CSMD1: variants seen among roughly 807,000 people sequenced by gnomAD.
CSMD1 encodes the protein CUB and Sushi multiple domains 1, also known as CUB and sushi domain-containing protein 1.
A neutral mutation model predicts 417.5 loss-of-function variants in CSMD1; 213 were observed. The observed-to-expected ratio is 0.51, with a 90% CI of 0.46 to 0.57. The LOEUF (loss-of-function observed/expected upper bound fraction) is 0.57, where lower values mean the gene tolerates loss of function less well. CSMD1 is among the 20% of genes least tolerant of loss of function. CSMD1 has a pLI of 0.00. For missense variants in CSMD1, 6,923 were observed against 4,529.7 expected, an observed-to-expected ratio of 1.53 and a Z score of -15.17; for synonymous variants, 2,862 against 1,736.8, an observed-to-expected ratio of 1.65 and a Z score of -16.11.
At chr8:4,159,330 G>A (rs551472547) in intron 3 of CSMD1, among the ~76,000 whole-genome samples, 1 of 152,102 alleles carries the variant, frequency 6.6e-6, no homozygotes, top group Non-Finnish European at 1.5e-5. Context: ...TCCATTATTA[G>A]TACTCAAATG....
intron 5 of CSMD1, among the ~76,000 whole-genome samples, chr8:3,942,837 G>C (rs1429633735): frequency 1.3e-5 from 2 of 152,114 alleles, no homozygotes; most frequent in Non-Finnish European, 2.9e-5. Flanking sequence ...CAATGATTGA[G>C]CTATAGTATC....
intron 1 of CSMD1, among the ~76,000 whole-genome samples, chr8:4,991,990 C>T (rs1476140424): frequency 3.3e-5 from 5 of 152,174 alleles, no homozygotes; most frequent in African/African-American, 4.8e-5. Flanking sequence ...CCTCCGCGCG[C>T]ACACACTTGC....
chr8:3,108,720 G>A lies in CSMD1; in HGVS notation c.6637C>T (p.Leu2213=). Residue 2213 remains leucine, a synonymous_variant, in exon 44 of 70, where the codon CTG becomes TTG. Transcript: ENST00000635120. The part of the protein sequence containing the change: ...WDGPDQNSPQ[L]GVFSGNTALE... ...GCTGTGTTGCCACTGAAAACTCCCA[G>A]CTGGGGTGAGTTCTGATCGGGACCG... 2 of 1,613,544 alleles carry A rather than the reference G, an allele frequency of 1.2e-6. No individual in the cohort carries two copies. The highest frequency in any genetic ancestry group is 1.7e-6 in the Non-Finnish European group (2 of 1,179,706).
chr8:3,755,158 G>C (rs1336134270), intron 5 of CSMD1, among the ~76,000 whole-genome samples: 1 of 152,216 alleles, frequency 6.6e-6, no homozygotes, highest in Non-Finnish European at 1.5e-5. Context: ...AGAGGCGCAA[G>C]GGACACATTT....
chr8:3,241,218 T>A (rs900669649), intron 26 of CSMD1, among the ~76,000 whole-genome samples: 3 of 151,004 alleles, frequency 2.0e-5, no homozygotes, highest in African/African-American at 4.9e-5. Flanking sequence ...TGGGGATAAC[T>A]AAAAAGGAGT....
At chr8:3,776,159 C>G (rs147357500) in intron 5 of CSMD1, among the ~76,000 whole-genome samples, 10 of 152,258 alleles carry the variant, frequency 6.6e-5, no homozygotes, top group African/African-American at 2.2e-4. Context: ...GCACATCATA[C>G]GGATCCTACC....
intron 25 of CSMD1, among the ~76,000 whole-genome samples, chr8:3,287,590 T>C (rs994177784): frequency 6.6e-6 from 1 of 152,214 alleles, no homozygotes; most frequent in Non-Finnish European, 1.5e-5. Context: ...CACTCATGAT[T>C]TGGCTCTCTG....
intron 3 of CSMD1, among the ~76,000 whole-genome samples, chr8:4,092,140 T>A (rs554310790): frequency 4.6e-5 from 7 of 152,060 alleles, no homozygotes; most frequent in Admixed American, 4.6e-4. Flanking sequence ...GAGAAGAAAA[T>A]TTTTCCTTAA....
intron 5 of CSMD1, among the ~76,000 whole-genome samples, chr8:3,766,179 G>A (rs60982217): frequency 0.33 from 50,677 of 152,014 alleles, 8,734 homozygotes; most frequent in Non-Finnish European, 0.38. Flanking sequence ...TCCTGTCCAC[G>A]GAAGGGACAG....
chr8:3,535,575 G>C (rs929195290), intron 10 of CSMD1, among the ~76,000 whole-genome samples: 4 of 152,092 alleles, frequency 2.6e-5, no homozygotes, highest in African/African-American at 9.7e-5. Context: ...AGAAGGATGA[G>C]AAATTACTTA....
chr8:3,208,501 G>C (rs966399717), intron 30 of CSMD1, among the ~76,000 whole-genome samples: 3 of 152,092 alleles, frequency 2.0e-5, no homozygotes, highest in African/African-American at 7.2e-5. Flanking sequence ...TGTTGACCTC[G>C]TGATCCACCT....
chr8:3,683,377 T>C (rs1205106477), intron 7 of CSMD1, among the ~76,000 whole-genome samples: 5 of 152,158 alleles, frequency 3.3e-5, no homozygotes, highest in Admixed American at 3.3e-4. Context: ...CTGTTTATTC[T>C]GGGCACTGCA....
chr8:2,996,238 T>G (rs569079556), intron 54 of CSMD1, among the ~76,000 whole-genome samples: 229 of 152,288 alleles, frequency 1.5e-3, no homozygotes, highest in Admixed American at 3.1e-3. Context: ...ACTGAACATA[T>G]GACATATTTT....
intron 2 of CSMD1, among the ~76,000 whole-genome samples, chr8:4,544,734 G>A (rs753062698): frequency 3.3e-5 from 5 of 152,172 alleles, no homozygotes; most frequent in Non-Finnish European, 5.9e-5. Flanking sequence ...ATGGGTCAAT[G>A]TTACAGTGTC....
chr8:4,026,240 AAT>A (rs1390644431), intron 4 of CSMD1, among the ~76,000 whole-genome samples: 2 of 152,220 alleles, frequency 1.3e-5, no homozygotes, highest in African/African-American at 2.4e-5. Context: ...GCATCATTCA[AAT>A]ATGTTTTATA....
chr8:2,983,196 T>TA (rs1031332392), intron 54 of CSMD1, among the ~76,000 whole-genome samples: 8 of 151,326 alleles, frequency 5.3e-5, no homozygotes, highest in African/African-American at 1.5e-4. Flanking sequence ...TACATATATA[T>TA]TTTTTTTTGA....
intron 48 of CSMD1, among the ~76,000 whole-genome samples, chr8:3,090,066 G>T (rs925080359): frequency 6.6e-6 from 1 of 151,778 alleles, no homozygotes; most frequent in African/African-American, 2.4e-5. Flanking sequence ...TGTAATCCCA[G>T]CACTTTGGGA....
At chr8:3,032,552 G>A (rs1398627910) in intron 50 of CSMD1, among the ~76,000 whole-genome samples, 2 of 151,976 alleles carry the variant, frequency 1.3e-5, no homozygotes, top group African/African-American at 4.8e-5. Context: ...TGACTCTCGC[G>A]AGAGGGTACT....
intron 26 of CSMD1, among the ~76,000 whole-genome samples, chr8:3,247,056 T>A (rs919810191): frequency 1.3e-5 from 2 of 152,226 alleles, no homozygotes; most frequent in African/African-American, 4.8e-5. Flanking sequence ...AGTGAAGATC[T>A]AAGGGCAGAA....
Sources: gnomAD v4.1 joint callset for allele counts (sites outside exome capture counted in the v4.1 genomes callset) on GRCh38, gnomAD v4.1.1 for gene constraint, MANE v1.5 for transcripts, NCBI Gene and HGNC (gene_info 2026-07-23, HGNC 2026-07-21) for gene names.